The following CMSS1 variants were observed in gnomAD, a reference collection of about 807,000 sequenced individuals.
CMSS1 encodes cms1 ribosomal small subunit homolog.
In CMSS1, 33 loss-of-function variants were observed where a neutral mutation model predicts 43.5. That is an observed-to-expected ratio of 0.76 (90% CI 0.57 to 1.01). The LOEUF (loss-of-function observed/expected upper bound fraction) is 1.01, where lower values mean the gene tolerates loss of function less well. Among genes scored for constraint, CMSS1 ranks in the 50% least tolerant of loss-of-function variants. The pLI, the probability that CMSS1 is intolerant of heterozygous loss-of-function variation, is 0.00. For missense variants in CMSS1, 313 were observed against 326.4 expected, an observed-to-expected ratio of 0.96 and a Z score of 0.32; for synonymous variants, 115 against 117.2, an observed-to-expected ratio of 0.98 and a Z score of 0.12.
intron 1 of CMSS1, among the ~76,000 whole-genome samples, chr3:99,954,751 G>A (rs1047725873): frequency 1.3e-5 from 2 of 151,918 alleles, no homozygotes; most frequent in African/African-American, 2.4e-5. Flanking sequence ...GCTTGAACCC[G>A]GGAGGTGGAG....
intron 1 of CMSS1, among the ~76,000 whole-genome samples, chr3:100,140,937 G>T (rs2066799285): frequency 6.6e-6 from 1 of 152,052 alleles, no homozygotes; most frequent in African/African-American, 2.4e-5. Context: ...AAAAAACATA[G>T]TTTCTTTTCA....
intron 1 of CMSS1, among the ~76,000 whole-genome samples, chr3:100,144,199 G>A (rs1441677679): frequency 1.3e-5 from 2 of 152,140 alleles, no homozygotes; most frequent in Admixed American, 1.3e-4. Context: ...TGAACATATT[G>A]TAGAAGCCCA....
At chr3:100,058,279 A>G (rs182880763) in intron 1 of CMSS1, among the ~76,000 whole-genome samples, 19 of 152,372 alleles carry the variant, frequency 1.2e-4, no homozygotes, top group Middle Eastern at 3.4e-3. Flanking sequence ...GGCACGGAAC[A>G]GAGTTGGAGA....
At chr3:100,027,869 T>G (rs2107251070) in intron 1 of CMSS1, among the ~76,000 whole-genome samples, 1 of 152,192 alleles carries the variant, frequency 6.6e-6, no homozygotes, top group South Asian at 2.1e-4. Context: ...AGAGAACAAG[T>G]GAAACTAGAG....
At chr3:100,176,200 C>T (rs536036164) in intron 8 of CMSS1, 127 bp from the exon 9 acceptor site, 3 of 615,654 alleles carry the variant, frequency 4.9e-6, no homozygotes, top group South Asian at 2.1e-5. Flanking sequence ...ACTTAATGTG[C>T]GGAGATTAGT....
chr3:99,853,468 A>G (rs1304825989), intron 1 of CMSS1, among the ~76,000 whole-genome samples: 1 of 152,252 alleles, frequency 6.6e-6, no homozygotes, highest in Non-Finnish European at 1.5e-5. Flanking sequence ...GTTTTGCAGT[A>G]TAATTAAAAG....
intron 1 of CMSS1, among the ~76,000 whole-genome samples, chr3:99,823,634 T>G (rs535551745): frequency 6.6e-6 from 1 of 152,298 alleles, no homozygotes; most frequent in Admixed American, 6.5e-5. Flanking sequence ...TTCCACCTTG[T>G]CCCTCACTCA....
chr3:100,058,424 G>A (rs998027386), intron 1 of CMSS1, among the ~76,000 whole-genome samples: 1 of 152,198 alleles, frequency 6.6e-6, no homozygotes, highest in African/African-American at 2.4e-5. Context: ...GCAGAGAAAA[G>A]TTGACACATA....
intron 1 of CMSS1, chr3:99,848,176 A>G (rs1943453386): frequency 3.3e-6 from 5 of 1,537,506 alleles, no homozygotes; most frequent in Non-Finnish European, 4.4e-6. Flanking sequence ...TTCCCAAAGT[A>G]CGAGTTCAGT....
At chr3:99,897,196 T>C (rs765590422) in intron 1 of CMSS1, among the ~76,000 whole-genome samples, 1 of 151,988 alleles carries the variant, frequency 6.6e-6, no homozygotes, top group Non-Finnish European at 1.5e-5. Context: ...CAATCTCTAC[T>C]AAAAATACAA....
At chr3:99,838,810 TA>T (rs961293204) in intron 1 of CMSS1, among the ~76,000 whole-genome samples, 8 of 152,206 alleles carry the variant, frequency 5.3e-5, no homozygotes, top group Admixed American at 5.2e-4. Flanking sequence ...AGGGTTGTTG[TA>T]AAATAAAATA....
intron 1 of CMSS1, among the ~76,000 whole-genome samples, chr3:99,909,092 AAATG>A (rs2107636719): frequency 6.6e-6 from 1 of 152,348 alleles, no homozygotes; most frequent in South Asian, 2.1e-4. Flanking sequence ...TGTAAGAACC[AAATG>A]TTCTAGTGCA....
chr3:99,947,308 A>G (rs1161822875), intron 1 of CMSS1, among the ~76,000 whole-genome samples: 1 of 152,186 alleles, frequency 6.6e-6, no homozygotes, highest in Non-Finnish European at 1.5e-5. Flanking sequence ...TATACTATAC[A>G]TATTGTTTAG....
At chr3:100,155,151 A>G (rs1037015111) in intron 2 of CMSS1, among the ~76,000 whole-genome samples, 2 of 152,164 alleles carry the variant, frequency 1.3e-5, no homozygotes, top group African/African-American at 2.4e-5. Context: ...ATATGAGGAC[A>G]TGGTTCTCCT....
intron 1 of CMSS1, among the ~76,000 whole-genome samples, chr3:100,016,188 TTTTG>T (rs760003779): frequency 1.1e-4 from 16 of 152,186 alleles, no homozygotes; most frequent in Non-Finnish European, 1.8e-4. Flanking sequence ...TTGGGTCAGC[TTTTG>T]TTTGTTTGTT....
intron 1 of CMSS1, among the ~76,000 whole-genome samples, chr3:100,091,272 G>A (rs780217488): frequency 1.4e-5 from 2 of 145,982 alleles, no homozygotes; most frequent in Admixed American, 6.9e-5. Context: ...GCGACAGAGC[G>A]AGACTCCGTC....
intron 8 of CMSS1, among the ~76,000 whole-genome samples, chr3:100,174,678 C>G (rs2067135392): frequency 6.6e-6 from 1 of 152,128 alleles, no homozygotes; most frequent in Non-Finnish European, 1.5e-5. Flanking sequence ...CAGAGTGACA[C>G]CAATAGCATA....
intron 1 of CMSS1, among the ~76,000 whole-genome samples, chr3:99,904,928 T>C (rs1209358818): frequency 1.3e-5 from 2 of 152,188 alleles, no homozygotes; most frequent in Admixed American, 1.3e-4. Context: ...CTTCTTTGGG[T>C]CCTTGAAGTC....
chr3:99,924,179 G>C (rs1707213854), intron 1 of CMSS1: 1 of 1,475,406 alleles, frequency 6.8e-7, no homozygotes, highest in Non-Finnish European at 9.4e-7. Context: ...TGGTACAGTG[G>C]CCAGCTCATA....
Sources: gnomAD v4.1 joint callset for allele counts (sites outside exome capture counted in the v4.1 genomes callset) on GRCh38, gnomAD v4.1.1 for gene constraint, MANE v1.5 for transcripts, NCBI Gene and HGNC (gene_info 2026-07-23, HGNC 2026-07-21) for gene names.